The following GCH1 variants were observed in gnomAD, a reference collection of about 807,000 sequenced individuals.
The protein encoded by GCH1 is GTP cyclohydrolase 1, also known as GTP cyclohydrolase I.
Under a neutral mutation model 25.9 loss-of-function variants are expected in GCH1, and 5 were observed. That is an observed-to-expected ratio of 0.19 (90% CI 0.10 to 0.41). The LOEUF (loss-of-function observed/expected upper bound fraction) is 0.41, where lower values mean the gene tolerates loss of function less well. Ranked by LOEUF, GCH1 falls within the 10% of genes least tolerant of loss-of-function variation. The pLI is 1.00. For synonymous variants in GCH1, 159 were observed against 129.6 expected, an observed-to-expected ratio of 1.23 and a Z score of -1.54; for missense variants, 261 against 336.5, an observed-to-expected ratio of 0.78 and a Z score of 1.75.
At chr14:54,881,474 T>C (rs957718649) in intron 1 of GCH1, among the ~76,000 whole-genome samples, 4 of 152,236 alleles carry the variant, frequency 2.6e-5, no homozygotes, top group Non-Finnish European at 5.9e-5. Flanking sequence ...TCGCTCTCTC[T>C]GCTTTCACTT....
Position 54,897,159 on chromosome 14 carries a change from A to G in GCH1, c.343+5162T>C, listed in dbSNP as rs1308105501. On this transcript the variant is annotated intron_variant, in intron 1 of 5. Transcript: ENST00000491895. ...CAAGTAGCTGGGACTACAGGCACGC[A>G]CCACCACACCCAGCTAATTTTTGTA... Among the ~76,000 whole-genome samples the G allele has an allele frequency of 5.3e-5, 8 of 150,612 alleles. No homozygotes were observed. The East Asian group carries it at 1.6e-3, about 30-fold the overall frequency.
At chr14:54,899,634 A>G (rs1487285479) in intron 1 of GCH1, among the ~76,000 whole-genome samples, 1 of 152,004 alleles carries the variant, frequency 6.6e-6, no homozygotes, top group African/African-American at 2.4e-5. Flanking sequence ...ACCTGTCTTT[A>G]TATTGTGGTA....
intron 1 of GCH1, among the ~76,000 whole-genome samples, chr14:54,898,877 G>C (rs1026791266): frequency 3.3e-5 from 5 of 152,132 alleles, no homozygotes; most frequent in African/African-American, 1.2e-4. Context: ...GCCCACCTTG[G>C]CCTCCCAAAG....
chr14:54,891,585 C>T (rs1054026485), intron 1 of GCH1, among the ~76,000 whole-genome samples: 5 of 151,854 alleles, frequency 3.3e-5, no homozygotes, highest in African/African-American at 1.2e-4. Context: ...AATTTTTGTA[C>T]ATTTTGTAGA....
chr14:54,867,589 CAAAAAAAAAAA>C (rs1029899399), intron 1 of GCH1, among the ~76,000 whole-genome samples: 1 of 46,670 alleles, frequency 2.1e-5, no homozygotes, highest in African/African-American at 8.2e-5. Context: ...GACTCCGTCT[CAAAAAAAAAAA>C]AAAAAAAAAA....
chr14:54,896,771 T>A (rs1483253706), intron 1 of GCH1, among the ~76,000 whole-genome samples: 1 of 150,148 alleles, frequency 6.7e-6, no homozygotes, highest in Non-Finnish European at 1.5e-5. Context: ...AAAAAAAAAA[T>A]TAGCCGGGTG....
Position 54,865,419 on chromosome 14 carries a change from T to C in GCH1, c.361A>G (p.Ile121Val), listed in dbSNP as rs1447471890. ...ETISDVLNDA[I>V]FDEDHDEMVI... ...ATCTCATCATGATCTTCATCAAATA[T>C]AGCATCGTTTAGGACATCTGAAATC... is the stretch of plus-strand genomic sequence containing the variant. Residue 121 changes from isoleucine to valine, a missense_variant, in exon 2 of 6, where the codon ATA (isoleucine) becomes GTA (valine). Coordinates refer to ENST00000491895, the MANE Select transcript of GCH1 (RefSeq NM_000161.3). 7 of 1,550,500 alleles carry C rather than the reference T, an allele frequency of 4.5e-6. 1 individual carries two copies. The highest frequency in any genetic ancestry group is 3.3e-5 in the South Asian group (3 of 89,568).
In GCH1 at chr14:54,847,060, G is replaced by T. The variant is rs760409512; in HGVS notation, c.541+39C>A. 4 of 803,524 alleles carry T rather than the reference G, an allele frequency of 5.0e-6. No homozygotes were observed. The South Asian group carries it at 6.3e-5, about 13-fold the overall frequency. The allele number at this position is 803,524 out of a possible 1,614,324, so 49.8% of individuals were successfully genotyped here. On this transcript the variant is annotated intron_variant, in intron 4 of 5. Transcript: ENST00000491895. The stretch of plus-strand genomic sequence containing the variant: ...TAAAAATTTAAAAAAAGAAAAAAAA[G>T]AAAAATGTTTTCTGTTAATACAGAT...
intron 5 of GCH1, among the ~76,000 whole-genome samples, chr14:54,845,109 G>C (rs1368426349): frequency 2.6e-5 from 4 of 152,150 alleles, no homozygotes; most frequent in African/African-American, 9.6e-5. Context: ...GGAGGCAGAG[G>C]TTGCAGTGAG....
At chr14:54,849,252 C>A (rs573605909) in intron 3 of GCH1, among the ~76,000 whole-genome samples, 1 of 152,214 alleles carries the variant, frequency 6.6e-6, no homozygotes, top group African/African-American at 2.4e-5. Context: ...TATTTCTAAA[C>A]CCTAGTTTAT....
At chr14:54,866,784 G>C (rs149382895) in intron 1 of GCH1, among the ~76,000 whole-genome samples, 2,556 of 152,226 alleles carry the variant, frequency 0.017, 35 homozygotes, top group South Asian at 0.046. Context: ...GCTATTCAGA[G>C]ATACATTTGA....
chr14:54,846,726 C>A (rs1391644776), intron 4 of GCH1, among the ~76,000 whole-genome samples: 6 of 152,152 alleles, frequency 3.9e-5, no homozygotes, highest in African/African-American at 7.2e-5. Context: ...TCATACTTAT[C>A]GCACTAGTAA....
At chr14:54,885,381 G>A in intron 1 of GCH1, 1 of 256,198 alleles carries the variant, frequency 3.9e-6, no homozygotes, top group Non-Finnish European at 8.0e-6. Context: ...GGGTCTGCCT[G>A]ATCTCTGTCT....
At position 54,843,665 on chromosome 14, in the gene GCH1, C is replaced by T; in HGVS notation, c.*352G>A. ...ATACTGGGCACAGTTCCCTCTCATTCCCAATGCTCCTATGCTTATGAGGCA... is the reference window on the plus strand; with the variant it reads ...ATACTGGGCACAGTTCCCTCTCATTTCCAATGCTCCTATGCTTATGAGGCA... On this transcript the variant is annotated 3_prime_UTR_variant, in exon 6 of 6. Transcript: ENST00000491895. 2 of 1,575,600 alleles carry T rather than the reference C, an allele frequency of 1.3e-6. No individual in the cohort carries two copies. The highest frequency in any genetic ancestry group is 1.7e-6 in the Non-Finnish European group (2 of 1,164,688).
chr14:54,873,905 T>C (rs1294431926), intron 1 of GCH1, among the ~76,000 whole-genome samples: 3 of 152,234 alleles, frequency 2.0e-5, no homozygotes, highest in Non-Finnish European at 4.4e-5. Flanking sequence ...AGCCGAATTC[T>C]ACCAGACATA....
In GCH1 at chr14:54,859,721, G is replaced by C. The variant is rs2140063505; in HGVS notation, c.469C>G (p.Leu157Val). Residue 157 changes from leucine to valine, a missense_variant, in exon 3 of 6, where the codon CTT (leucine) becomes GTT (valine). Leu to Val is a conservative substitution (Grantham distance 32, BLOSUM62 1). This residue lies in a region of GCH1 where 130 missense variants were observed against 184.1 expected (regional missense o/e 0.71). Coordinates refer to ENST00000491895, the MANE Select transcript of GCH1 (RefSeq NM_000161.3). The part of the protein sequence containing the change: ...PFVGKVHIGY[L>V]PNKQVLGLSK... ...AGGCCAAGGACTTGCTTGTTAGGAA[G>C]ATAACCAATATGGACCTTCAGAGAA... is the stretch of plus-strand genomic sequence containing the variant. The C allele has an allele frequency of 6.3e-7, 1 of 1,594,102 alleles. No individual in the cohort carries two copies. The highest frequency in any genetic ancestry group is 1.1e-5 in the South Asian group (1 of 90,714).
chr14:54,887,591 A>G (rs1183497493), intron 1 of GCH1, among the ~76,000 whole-genome samples: 1 of 152,224 alleles, frequency 6.6e-6, no homozygotes, highest in Non-Finnish European at 1.5e-5. Context: ...GGAAAAAATC[A>G]TTAGTAAAAG....
rs376044763 is a variant in GCH1 at position 54,848,136 on chromosome 14, CT to C, written c.510-1007del. ...AATCTGTCAAGTGATAAATTTTCCT[CT>C]TTTTTTTTTTTTTTTTGAGATGGAG... is the stretch of plus-strand genomic sequence containing the variant. On this transcript the variant is annotated intron_variant, in intron 3 of 5. Coordinates refer to ENST00000491895, the MANE Select transcript of GCH1 (RefSeq NM_000161.3). 3.4e-3 allele frequency among the ~76,000 whole-genome samples: 468 copies of C among 137,316 alleles called. 1 individual carries two copies. Among genetic ancestry groups the C allele is most frequent in the African/African-American group, 4.2e-3 (159 of 38,024 alleles). The allele number at this position is 137,316 out of a possible 152,430, so 90.1% of individuals were successfully genotyped here.
intron 2 of GCH1, among the ~76,000 whole-genome samples, chr14:54,864,367 T>C (rs546228127): frequency 1.3e-5 from 2 of 152,188 alleles, no homozygotes; most frequent in Non-Finnish European, 2.9e-5. Flanking sequence ...TTAAAGATTA[T>C]TAATAAAGAG....
Sources: gnomAD v4.1 joint callset for allele counts (sites outside exome capture counted in the v4.1 genomes callset) on GRCh38, gnomAD v4.1.1 for gene constraint, gnomAD v4.1.1 regional missense constraint, MANE v1.5 for transcripts, NCBI Gene and HGNC (gene_info 2026-07-23, HGNC 2026-07-21) for gene names.